CADPS2: variants seen among roughly 807,000 people sequenced by gnomAD.
CADPS2 encodes the protein calcium-dependent secretion activator 2.
Under a neutral mutation model 172.5 loss-of-function variants are expected in CADPS2, and 93 were observed. The observed-to-expected ratio is 0.54, with a 90% CI of 0.46 to 0.64. CADPS2 has a LOEUF of 0.64. CADPS2 is among the 30% of genes least tolerant of loss of function. The pLI, the probability that CADPS2 is intolerant of heterozygous loss-of-function variation, is 0.00. For missense variants in CADPS2, 1,420 were observed against 1,565.9 expected (o/e 0.91, Z 1.57); for synonymous variants, 546 against 555.2 (o/e 0.98, Z 0.23).
At chr7:122,469,208 T>C (rs1017001) in intron 14 of CADPS2, among the ~76,000 whole-genome samples, 64,321 of 152,004 alleles carry the variant, frequency 0.42, 13,878 homozygotes, top group African/African-American at 0.5. Flanking sequence ...CTTTCCATTA[T>C]AATGAGTCTC....
At position 122,318,654 on chromosome 7, in the gene CADPS2, GT is replaced by G. The variant is rs1180189118; in HGVS notation, c.*1510del. ...CTTTCAAAGATAGTGAGTTGGTAGA[GT>G]TAGTCTTTAATCCCGGAAGAAGGAA... is the stretch of plus-strand genomic sequence containing the variant. On this transcript the variant is annotated 3_prime_UTR_variant, in exon 30 of 30. Transcript: ENST00000449022. 1 of 152,164 alleles carries G rather than the reference GT, an allele frequency of 6.6e-6. No individual in the cohort carries two copies. The highest frequency in any genetic ancestry group is 1.5e-5 in the Non-Finnish European group (1 of 68,036). 9.4% of individuals were successfully genotyped at this position (152,164 alleles called of 1,614,324 possible).
intron 9 of CADPS2, among the ~76,000 whole-genome samples, chr7:122,495,532 T>C (rs2058666235): frequency 2.0e-5 from 3 of 152,340 alleles, no homozygotes; most frequent in African/African-American, 2.4e-5. Context: ...GTTACTTGAA[T>C]TGTCACACTT....
Position 122,501,047 on chromosome 7 carries a change from G to C in CADPS2, c.1543-9627C>G, listed in dbSNP as rs142541167. The stretch of plus-strand genomic sequence containing the variant: ...AGGTGAGATGATCACTTGAGGCTAG[G>C]AGTTCAAGACTAGCGTAGGCAACTA... On this transcript the variant is annotated intron_variant, in intron 9 of 29. Coordinates refer to ENST00000449022, the MANE Select transcript of CADPS2 (RefSeq NM_017954.11). Among the ~76,000 whole-genome samples, 568 of 152,204 alleles carry C rather than the reference G, an allele frequency of 3.7e-3. 17 individuals carry two copies. In the East Asian group the frequency reaches 0.067, roughly 18 times the overall value.
At chr7:122,588,248 G>A (rs1159965577) in intron 6 of CADPS2, among the ~76,000 whole-genome samples, 1 of 152,000 alleles carries the variant, frequency 6.6e-6, no homozygotes, top group Non-Finnish European at 1.5e-5. Context: ...TACTTCTGTT[G>A]CAATGGCTTT....
chr7:122,529,570 T>C (rs993299854), intron 8 of CADPS2, among the ~76,000 whole-genome samples: 1 of 152,068 alleles, frequency 6.6e-6, no homozygotes, highest in Non-Finnish European at 1.5e-5. Context: ...TTTTTCTTAA[T>C]GAGTAACAAC....
chr7:122,441,625 A>G (rs1343374372), intron 15 of CADPS2, 50 bp from the exon 16 acceptor site: 3 of 1,138,310 alleles, frequency 2.6e-6, no homozygotes, highest in Admixed American at 3.0e-5. Context: ...AATACCCAAG[A>G]CTGCTAAATA....
At chr7:122,673,655 C>G (rs982169312) in intron 2 of CADPS2, among the ~76,000 whole-genome samples, 20 of 152,156 alleles carry the variant, frequency 1.3e-4, no homozygotes, top group Middle Eastern at 3.4e-3. Context: ...GAATCCCGAG[C>G]TAGACACAGA....
intron 8 of CADPS2, among the ~76,000 whole-genome samples, chr7:122,539,821 CTCTCTCTT>C (rs986185437): frequency 2.1e-5 from 3 of 145,424 alleles, no homozygotes; most frequent in East Asian, 2.1e-4. Context: ...GTCTTTCTGT[CTCTCTCTT>C]TCTTTCTTTA....
intron 2 of CADPS2, among the ~76,000 whole-genome samples, chr7:122,700,861 C>A (rs962369858): frequency 6.6e-6 from 1 of 152,074 alleles, no homozygotes; most frequent in African/African-American, 2.4e-5. Context: ...GCAATGTTAT[C>A]CTAAATGAAG....
rs899100985 is a variant in CADPS2, at chr7:122,664,445, C to A, written c.454-876G>T. Among the ~76,000 whole-genome samples, 7 of 152,086 alleles carry A rather than the reference C, an allele frequency of 4.6e-5. No homozygotes were observed. In the South Asian group the frequency reaches 1.5e-3, roughly 32 times the overall value. ...AATAAAATAAAAACAACAATAGAGA[C>A]AACCATAGAGTAAGATGTTCATGAG... On this transcript the variant is annotated intron_variant, in intron 2 of 29. Transcript: ENST00000449022.
At chr7:122,745,077 A>G (rs961229393) in intron 1 of CADPS2, among the ~76,000 whole-genome samples, 3 of 152,016 alleles carry the variant, frequency 2.0e-5, no homozygotes, top group African/African-American at 7.2e-5. Flanking sequence ...AATAATTAAA[A>G]CTAAGCTAAT....
chr7:122,687,123 C>G (rs554064976), intron 2 of CADPS2, among the ~76,000 whole-genome samples: 2 of 152,332 alleles, frequency 1.3e-5, no homozygotes, highest in African/African-American at 2.4e-5. Flanking sequence ...ACTTTTTACA[C>G]AAGGGAGCTA....
chr7:122,832,773 T>A (rs748956339), intron 1 of CADPS2, among the ~76,000 whole-genome samples: 2 of 152,208 alleles, frequency 1.3e-5, no homozygotes, highest in African/African-American at 2.4e-5. Context: ...CAGTACAATA[T>A]GGGAACTGCC....
chr7:122,737,048 C>CGG lies in CADPS2; in HGVS notation c.359_360insCC (p.Gln120HisfsTer4). On this transcript the variant is annotated frameshift_variant, in exon 2 of 30. Coordinates refer to ENST00000449022, the MANE Select transcript of CADPS2 (RefSeq NM_017954.11). LOFTEE classifies it high-confidence loss of function. ...AGGCCTGGAACCGTTCTTTCAGTAA[C>CGG]TGCAACTGTTGTTTGTTAAGCTACA... 1 of 1,601,374 alleles carries CGG rather than the reference C, an allele frequency of 6.2e-7. No homozygotes were observed. The highest frequency in any genetic ancestry group is 8.6e-7 in the Non-Finnish European group (1 of 1,168,850).
intron 20 of CADPS2, among the ~76,000 whole-genome samples, chr7:122,402,990 G>T (rs2046156062): frequency 6.6e-6 from 1 of 152,172 alleles, no homozygotes; most frequent in Admixed American, 6.5e-5. Context: ...CTTTCAAGGG[G>T]TACTAAAAGA....
At chr7:122,633,279 T>A (rs888876685) in intron 3 of CADPS2, among the ~76,000 whole-genome samples, 3 of 152,196 alleles carry the variant, frequency 2.0e-5, no homozygotes, top group African/African-American at 4.8e-5. Context: ...TAAATTGCTT[T>A]GGGCAGTATG....
chr7:122,858,333 A>G (rs887652150), intron 1 of CADPS2, among the ~76,000 whole-genome samples: 17 of 152,172 alleles, frequency 1.1e-4, no homozygotes, highest in African/African-American at 4.1e-4. Flanking sequence ...AATTCAGTGT[A>G]ATCTAACAAA....
chr7:122,681,309 TCCAAGATGA>T (rs2083007711), intron 2 of CADPS2: 1 of 1,183,674 alleles, frequency 8.4e-7, no homozygotes, highest in Non-Finnish European at 1.2e-6. Flanking sequence ...GGTCCGTGCC[TCCAAGATGA>T]CAAAGAAAAG....
chr7:122,681,747 A>G (rs918755150), intron 2 of CADPS2: 5 of 554,228 alleles, frequency 9.0e-6, no homozygotes, highest in African/African-American at 5.9e-5. Flanking sequence ...AATAATAATA[A>G]AAGAAAGAAA....
Sources: gnomAD v4.1 joint callset for allele counts (sites outside exome capture counted in the v4.1 genomes callset) on GRCh38, gnomAD v4.1.1 for gene constraint, MANE v1.5 for transcripts, NCBI Gene and HGNC (gene_info 2026-07-23, HGNC 2026-07-21) for gene names.